The following WNK1 variants were observed in gnomAD, a reference collection of about 807,000 sequenced individuals.
The protein encoded by WNK1 is WNK lysine deficient protein kinase 1.
In WNK1, 38 loss-of-function variants were observed where a neutral mutation model predicts 222.8. The observed-to-expected ratio is 0.17, with a 90% CI of 0.13 to 0.22. The LOEUF is 0.22. WNK1 is among the 10% of genes least tolerant of loss of function. The probability of loss-of-function intolerance (pLI) is 1.00; values close to 1 mark genes in which losing one functional copy is unlikely to be tolerated. For missense variants in WNK1, 2,348 were observed against 2,918.4 expected (o/e 0.80, Z 4.50); for synonymous variants, 1,090 against 1,092.9 (o/e 1.00, Z 0.05).
chr12:815,993 GAT>G (rs1947307870), intron 2 of WNK1, among the ~76,000 whole-genome samples: 1 of 152,210 alleles, frequency 6.6e-6, no homozygotes, highest in Non-Finnish European at 1.5e-5. Context: ...TATACTCTGG[GAT>G]TTTAGACCAC....
At chr12:851,367 C>G (rs185691693) in intron 4 of WNK1, 1 of 1,059,346 alleles carries the variant, frequency 9.4e-7, no homozygotes, top group Non-Finnish European at 1.1e-6. Flanking sequence ...AGAAACTGTG[C>G]GCAAAGTAGG....
chr12:890,840 A>C (rs1463557122), intron 22 of WNK1, among the ~76,000 whole-genome samples: 1 of 152,214 alleles, frequency 6.6e-6, no homozygotes, highest in Non-Finnish European at 1.5e-5. Context: ...CACTGGATAT[A>C]TAGGGATAGA....
chr12:800,619 TATTTAA>T (rs2153991028), intron 1 of WNK1, among the ~76,000 whole-genome samples: 1 of 152,198 alleles, frequency 6.6e-6, no homozygotes, highest in East Asian at 1.9e-4. Context: ...GGCCTGCTGA[TATTTAA>T]GAATGAGGCT....
chr12:806,367 G>T (rs1458102836), intron 1 of WNK1, among the ~76,000 whole-genome samples: 5 of 152,208 alleles, frequency 3.3e-5, no homozygotes, highest in African/African-American at 1.2e-4. Context: ...TGGATTTGAT[G>T]TAATGGAGCA....
chr12:817,873 AC>A (rs1947499419), intron 2 of WNK1, among the ~76,000 whole-genome samples: 1 of 151,608 alleles, frequency 6.6e-6, no homozygotes, highest in East Asian at 1.9e-4. Flanking sequence ...GAATCGCTTG[AC>A]CCCGGAAGTG....
rs903775879 is a variant in WNK1, at chr12:894,523, G to A, written c.5510-39G>A. On this transcript the variant is annotated intron_variant, in intron 22 of 27. Coordinates refer to ENST00000315939, the MANE Select transcript of WNK1 (RefSeq NM_018979.4). Reference sequence around the variant, plus strand: ...AAAGGGAAAAGAAGTTAACTGGAAGGAGACACTTATGTTTTCCTCATCCAT... The same window carrying A: ...AAAGGGAAAAGAAGTTAACTGGAAGAAGACACTTATGTTTTCCTCATCCAT... 16 of 1,538,746 alleles carry A rather than the reference G, an allele frequency of 1.0e-5. No homozygotes were observed. The African/African-American group carries it at 1.1e-4, about 11-fold the overall frequency.
intron 1 of WNK1, among the ~76,000 whole-genome samples, chr12:771,454 T>A: frequency 6.6e-6 from 1 of 152,302 alleles, no homozygotes; most frequent in Middle Eastern, 3.4e-3. Context: ...TTCAGCTATT[T>A]ATTAGCATTG....
intron 1 of WNK1, among the ~76,000 whole-genome samples, chr12:772,144 T>C (rs1209244889): frequency 1.3e-5 from 2 of 152,198 alleles, no homozygotes; most frequent in African/African-American, 4.8e-5. Flanking sequence ...ACTCTCGTTA[T>C]AAAAATTAGG....
intron 1 of WNK1, among the ~76,000 whole-genome samples, chr12:769,208 C>CT (rs575352226): frequency 0.047 from 6,981 of 147,814 alleles, 213 homozygotes; most frequent in Non-Finnish European, 0.065. Flanking sequence ...CTTCCGTTTC[C>CT]TTTTTTTTTT....
chr12:755,863 T>A (rs921741563), intron 1 of WNK1, among the ~76,000 whole-genome samples: 2 of 152,186 alleles, frequency 1.3e-5, no homozygotes, highest in African/African-American at 4.8e-5. Context: ...TAATTCCAAC[T>A]ACTCGGGAGG....
chr12:892,872 A>G (rs761119626), intron 22 of WNK1, among the ~76,000 whole-genome samples: 2 of 152,206 alleles, frequency 1.3e-5, no homozygotes, highest in African/African-American at 2.4e-5. Context: ...AGTGATGTCT[A>G]CTACAGTCTT....
In WNK1 at chr12:894,657, G is replaced by A. The variant is rs202052203; in HGVS notation, c.5583+22G>A. ...TCAGGTAAGACAGTCACTTTGTGTTGCCTTGATTCCTTCCTTTGGAGGAGT... is the reference window on the plus strand; with the variant it reads ...TCAGGTAAGACAGTCACTTTGTGTTACCTTGATTCCTTCCTTTGGAGGAGT... On this transcript the variant is annotated intron_variant, in intron 23 of 27. Coordinates refer to ENST00000315939, the MANE Select transcript of WNK1 (RefSeq NM_018979.4). 2.4e-4 allele frequency: 380 copies of A among 1,609,030 alleles called. 1 individual carries two copies. Among genetic ancestry groups the A allele is most frequent in the Non-Finnish European group, 3.0e-4 (352 of 1,175,466 alleles).
Position 884,030 on chromosome 12 carries a change from A to G in WNK1, c.3722-91A>G. 4 of 1,589,602 alleles carry G rather than the reference A, an allele frequency of 2.5e-6. No homozygotes were observed. ...GTGAGAGAATGAGACCGTGCCTCAA[A>G]AAAAGCAGTTGTATGTGCCAATAAT... is the stretch of plus-strand genomic sequence containing the variant. On this transcript the variant is annotated intron_variant, in intron 17 of 27. Coordinates refer to ENST00000315939, the MANE Select transcript of WNK1 (RefSeq NM_018979.4). The surrounding 1 kb of genome is among the most constrained non-coding windows in gnomAD (Gnocchi z 5.6).
rs1187432252 is a variant in WNK1 at position 883,943 on chromosome 12, G to A, written c.3721+112G>A. 1.4e-5 allele frequency: 21 copies of A among 1,498,732 alleles called. No homozygotes were observed. The Middle Eastern group carries it at 9.1e-4, about 65-fold the overall frequency. The allele number at this position is 1,498,732 out of a possible 1,614,324, so 92.8% of individuals were successfully genotyped here. ...CTCAGGAGGCCGAGGCACGAGAATC[G>A]CTTGAACCCAGGAGGCGGAGGTTGC... On this transcript the variant is annotated intron_variant, in intron 17 of 27. Coordinates refer to ENST00000315939, the MANE Select transcript of WNK1 (RefSeq NM_018979.4).
intron 10 of WNK1, among the ~76,000 whole-genome samples, chr12:879,340 G>C (rs1338153065): frequency 1.3e-5 from 2 of 151,396 alleles, no homozygotes; most frequent in East Asian, 3.9e-4. Flanking sequence ...AAAAGGTGTA[G>C]AACAGTAATA....
rs777053734 is a variant in WNK1 at position 896,517 on chromosome 12, G to A, written c.6030G>A (p.Pro2010=). 2.4e-5 allele frequency: 38 copies of A among 1,613,454 alleles called. No homozygotes were observed. In the Middle Eastern group the frequency reaches 1.2e-3, roughly 49 times the overall value. ...ELSEPSHLNG[P]SSDPEAAFLS... ...CAGAGCCTTCACATCTAAATGGGCC[G>A]TCTTCTGACCCGGAGGCCGCTTTTT... Residue 2010 remains proline (P), a synonymous_variant, in exon 24 of 28, where the codon CCG becomes CCA. Transcript: ENST00000315939.
rs749290305 is a variant in WNK1, at chr12:882,000, G to A, written c.3299G>A (p.Arg1100Gln). Residue 1100 changes from arginine (R) to glutamine (Q), a missense_variant, in exon 14 of 28, where the codon CGG becomes CAG. Arg to Gln is a conservative substitution (Grantham distance 43). Around this residue, in one of 13 missense-constraint regions of WNK1, gnomAD observed 547 missense variants for 558.3 expected, o/e 0.98. Coordinates refer to ENST00000315939, the MANE Select transcript of WNK1 (RefSeq NM_018979.4). ...SGRHEGRTTKRHYRKSVRSRS... is the reference protein window; with the variant it reads ...SGRHEGRTTKQHYRKSVRSRS... The stretch of plus-strand genomic sequence containing the variant: ...AGGCATGAAGGAAGAACTACAAAAC[G>A]GCATTACCGAAAATCTGTAAGGAGT... 3.1e-6 allele frequency: 5 copies of A among 1,614,026 alleles called. No homozygotes were observed. Among genetic ancestry groups the A allele is most frequent in the East Asian group, 2.2e-5 (1 of 44,884 alleles).
Position 884,127 on chromosome 12 carries a change from C to G in WNK1, c.3728C>G (p.Pro1243Arg), listed in dbSNP as rs762713931. 6.2e-7 allele frequency: 1 copy of G among 1,614,128 alleles called. No individual in the cohort carries two copies. The highest frequency in any genetic ancestry group is 8.5e-7 in the Non-Finnish European group (1 of 1,180,006). ...TTTGTTTGTTTTTGACCAGGCATTC[C>G]TACCAGTTCTTTAACTCAAGTTGTT... ...ASSMPQQIGI[P>R]TSSLTQVVHS... Residue 1243 changes from proline to arginine, a missense_variant, in exon 18 of 28, where the codon CCT becomes CGT. Pro to Arg is a moderately radical substitution (Grantham distance 103). Coordinates refer to ENST00000315939, the MANE Select transcript of WNK1 (RefSeq NM_018979.4). The surrounding 1 kb of genome is among the most constrained non-coding windows in gnomAD (Gnocchi z 5.6).
At chr12:897,776 A>C in intron 25 of WNK1, 95 bp downstream of exon 25, 2 of 1,358,750 alleles carry the variant, frequency 1.5e-6, no homozygotes, top group Non-Finnish European at 2.1e-6. Flanking sequence ...TGTTTTTGTT[A>C]AATTTCAAAG....
Sources: allele counts gnomAD v4.1 joint callset (sites outside exome capture counted in the v4.1 genomes callset), GRCh38; gene constraint gnomAD v4.1.1; regional missense constraint gnomAD v4.1.1; non-coding constraint Gnocchi (gnomAD v3.1); transcripts MANE v1.5; gene names NCBI Gene and HGNC (gene_info 2026-07-23, HGNC 2026-07-21).